The following HYDIN variants were observed in gnomAD, a reference collection of about 807,000 sequenced individuals.
The protein encoded by HYDIN is HYDIN axonemal central pair apparatus protein, also known as axonemal central pair apparatus protein HYDIN.
HYDIN carries 132 observed loss-of-function variants against 403.9 expected under a neutral mutation model. That is an observed-to-expected ratio of 0.33 (90% CI 0.28 to 0.38). The LOEUF (loss-of-function observed/expected upper bound fraction) is 0.38. Among genes scored for constraint, HYDIN ranks in the 10% least tolerant of loss-of-function variants. The pLI, the probability that HYDIN is intolerant of heterozygous loss-of-function variation, is 1.00. For missense variants in HYDIN, 2,827 were observed against 5,009.5 expected (o/e 0.56, Z 13.15); for synonymous variants, 1,202 against 1,891.7 (o/e 0.64, Z 9.46).
chr16:70,927,025 T>A (rs2077173732), intron 45 of HYDIN, among the ~76,000 whole-genome samples: 1 of 152,088 alleles, frequency 6.6e-6, no homozygotes, highest in Admixed American at 6.6e-5. Context: ...GCCTAGCACA[T>A]TTATGATTGG....
Position 70,995,590 on chromosome 16 carries a change from G to A in HYDIN, c.3645-3380C>T, listed in dbSNP as rs111819781. On this transcript the variant is annotated intron_variant, in intron 23 of 85. Transcript: ENST00000393567. The stretch of plus-strand genomic sequence containing the variant: ...CTGTCCTTTCTTCACTGGAAGCAGT[G>A]TGGCGCTAAAATAAAACCCTGATGA... Among the ~76,000 whole-genome samples the A allele has an allele frequency of 5.2e-3, 797 of 152,206 alleles. 5 individuals carry two copies. Among genetic ancestry groups the A allele is most frequent in the African/African-American group, 0.018 (729 of 41,524 alleles).
chr16:71,178,100 G>A (rs2086745335), intron 4 of HYDIN, among the ~76,000 whole-genome samples: 1 of 152,156 alleles, frequency 6.6e-6, no homozygotes. Flanking sequence ...ACAATTTGCA[G>A]ACTATAAATG....
intron 45 of HYDIN, among the ~76,000 whole-genome samples, chr16:70,921,591 T>G (rs1482015363): frequency 1.3e-5 from 2 of 152,178 alleles, no homozygotes; most frequent in Non-Finnish European, 2.9e-5. Context: ...CAGCGTGTAG[T>G]GGTCCAATCC....
intron 60 of HYDIN, among the ~76,000 whole-genome samples, chr16:70,880,899 T>C (rs1406593860): frequency 3.9e-5 from 6 of 152,036 alleles, no homozygotes; most frequent in African/African-American, 1.2e-4. Flanking sequence ...ACATGTGATA[T>C]CTGCAAATCC....
intron 83 of HYDIN, among the ~76,000 whole-genome samples, chr16:70,819,744 G>A (rs2036105600): frequency 6.7e-6 from 1 of 149,880 alleles, no homozygotes; most frequent in African/African-American, 2.5e-5. Flanking sequence ...ATTATTAGGT[G>A]TTAATAGTTC....
chr16:71,226,752 C>T (rs1435684685), intron 1 of HYDIN, among the ~76,000 whole-genome samples: 3 of 152,122 alleles, frequency 2.0e-5, no homozygotes, highest in African/African-American at 4.8e-5. Flanking sequence ...AACTGACGCT[C>T]GGGCCTCCCA....
chr16:71,034,128 C>G (rs887067655), intron 18 of HYDIN, among the ~76,000 whole-genome samples: 2 of 151,838 alleles, frequency 1.3e-5, no homozygotes, highest in African/African-American at 4.8e-5. Context: ...TCCAAAGTAA[C>G]GCATACAGTA....
At position 70,804,975 on chromosome 16, in the gene HYDIN, C is replaced by T. The variant is rs1282377706; in HGVS notation, c.*2605G>A. 6.6e-6 allele frequency among the ~76,000 whole-genome samples: 1 copy of T among 152,232 alleles called. No individual in the cohort carries two copies. The highest frequency in any genetic ancestry group is 1.5e-5 in the Non-Finnish European group (1 of 68,046). ...GTGGCATGTTAGACAAGATTTCAGA[C>T]AGCTTCTTCCACCTTTTCTTTAGTC... On this transcript the variant is annotated 3_prime_UTR_variant, in exon 86 of 86. Transcript: ENST00000393567.
intron 42 of HYDIN, 151 bp downstream of exon 42, chr16:70,943,661 C>CAAGACCTTTTT: frequency 8.9e-7 from 1 of 1,118,474 alleles, no homozygotes; most frequent in South Asian, 1.9e-5. Context: ...GGTCAGGGGT[C>CAAGACCTTTTT]GACAAGAGCT....
At chr16:71,093,155 G>A (rs1334594213) in intron 11 of HYDIN, among the ~76,000 whole-genome samples, 1 of 151,976 alleles carries the variant, frequency 6.6e-6, no homozygotes, top group Non-Finnish European at 1.5e-5. Flanking sequence ...TACAATGAAG[G>A]AACTTTCCCA....
intron 23 of HYDIN, among the ~76,000 whole-genome samples, chr16:71,007,199 A>G (rs2144089681): frequency 1.3e-5 from 2 of 152,130 alleles, no homozygotes; most frequent in African/African-American, 4.8e-5. Flanking sequence ...GCTTACTGAG[A>G]ATATGAAGTG....
chr16:71,224,623 G>A (rs369837093), intron 1 of HYDIN, among the ~76,000 whole-genome samples: 6 of 145,932 alleles, frequency 4.1e-5, no homozygotes, highest in Non-Finnish European at 9.0e-5. Flanking sequence ...GTGCAGTGGC[G>A]GGATCTCGGC....
At chr16:70,928,348 C>G (rs370116823) in intron 45 of HYDIN, among the ~76,000 whole-genome samples, 1 of 152,026 alleles carries the variant, frequency 6.6e-6, no homozygotes, top group Non-Finnish European at 1.5e-5. Context: ...CCCAGCTACT[C>G]GGGAGGCTGA....
At chr16:71,230,038 A>G (rs139464852) in intron 1 of HYDIN, among the ~76,000 whole-genome samples, 50 of 152,310 alleles carry the variant, frequency 3.3e-4, no homozygotes, top group Middle Eastern at 3.4e-3. Flanking sequence ...CTGCCGCCAT[A>G]TAAGACACGA....
At chr16:71,135,198 AAT>A (rs1191818724) in intron 8 of HYDIN, among the ~76,000 whole-genome samples, 1 of 152,110 alleles carries the variant, frequency 6.6e-6, no homozygotes, top group Non-Finnish European at 1.5e-5. Flanking sequence ...TGCCAGAAGA[AAT>A]AATAGAAAGA....
chr16:71,078,331 G>A (rs2144332938), intron 13 of HYDIN, among the ~76,000 whole-genome samples: 1 of 151,970 alleles, frequency 6.6e-6, no homozygotes, highest in South Asian at 2.1e-4. Context: ...TTTCTATTCA[G>A]GTTTTCTACT....
chr16:71,081,536 T>C (rs1485705778), intron 12 of HYDIN, among the ~76,000 whole-genome samples: 1 of 151,936 alleles, frequency 6.6e-6, no homozygotes, highest in Non-Finnish European at 1.5e-5. Context: ...ATGCGCAAGA[T>C]GCTAAAGAAA....
At chr16:70,977,772 A>G (rs375937081) in intron 30 of HYDIN, among the ~76,000 whole-genome samples, 1,662 of 150,064 alleles carry the variant, frequency 0.011, 10 homozygotes, top group Non-Finnish European at 0.017. Flanking sequence ...TTACAAGCTG[A>G]GAAGCTCTCT....
In HYDIN at chr16:71,020,160, C is replaced by G. The variant is rs1457592433; in HGVS notation, c.3330+14G>C. The G allele has an allele frequency of 2.5e-6, 4 of 1,613,326 alleles. No individual in the cohort carries two copies. The highest frequency in any genetic ancestry group is 2.5e-6 in the Non-Finnish European group (3 of 1,179,706). On this transcript the variant is annotated intron_variant, in intron 22 of 85. Coordinates refer to ENST00000393567, the MANE Select transcript of HYDIN (RefSeq NM_001270974.2). ...CCCCAGACAGCTTGCCAGAACAGAC[C>G]CCTATTAAGGTACCTCAGGAGTTGC...
Sources: allele counts gnomAD v4.1 joint callset (sites outside exome capture counted in the v4.1 genomes callset), GRCh38; gene constraint gnomAD v4.1.1; transcripts MANE v1.5; gene names NCBI Gene and HGNC (gene_info 2026-07-23, HGNC 2026-07-21).